Variants in ESR1 observed in about 807,000 individuals in gnomAD.
The protein encoded by ESR1 is estrogen receptor.
Under a neutral mutation model 52.7 loss-of-function variants are expected in ESR1, and 12 were observed. The observed-to-expected ratio is 0.23, with a 90% CI of 0.15 to 0.37. The LOEUF is 0.37. Among genes scored for constraint, ESR1 ranks in the 10% least tolerant of loss-of-function variants. The pLI, the probability that ESR1 is intolerant of heterozygous loss-of-function variation, is 1.00. For missense variants in ESR1, 584 were observed against 779.7 expected (o/e 0.75, Z 2.99); for synonymous variants, 305 against 316.8 (o/e 0.96, Z 0.39).
intron 2 of ESR1, among the ~76,000 whole-genome samples, chr6:151,870,672 T>G (rs980366757): frequency 1.3e-5 from 2 of 152,204 alleles, no homozygotes; most frequent in Non-Finnish European, 2.9e-5. Flanking sequence ...GATGATTAGA[T>G]GAGGCAAAAT....
intron 3 of ESR1, among the ~76,000 whole-genome samples, chr6:151,928,537 A>G (rs2033105962): frequency 6.6e-6 from 1 of 152,160 alleles, no homozygotes; most frequent in South Asian, 2.1e-4. Context: ...GTCAAAAAAA[A>G]TAATAAATCA....
At chr6:151,665,218 T>C (rs1294667031) in intron 1 of ESR1, among the ~76,000 whole-genome samples, 1 of 152,178 alleles carries the variant, frequency 6.6e-6, no homozygotes, top group Non-Finnish European at 1.5e-5. Flanking sequence ...CTAATTTTCC[T>C]GGCTCGAGAG....
intron 5 of ESR1, among the ~76,000 whole-genome samples, chr6:152,039,991 A>G (rs3020355): frequency 0.44 from 66,840 of 152,040 alleles, 16,651 homozygotes; most frequent in African/African-American, 0.67. Context: ...TAGTCTTGGC[A>G]GAAGCATTGC....
chr6:152,084,715 A>C (rs1049041304), intron 6 of ESR1, among the ~76,000 whole-genome samples: 5 of 152,126 alleles, frequency 3.3e-5, no homozygotes, highest in Admixed American at 1.3e-4. Flanking sequence ...AAAAAAAAAA[A>C]AAAACAGTTA....
intron 2 of ESR1, among the ~76,000 whole-genome samples, chr6:151,750,735 C>T (rs779864431): frequency 3.9e-5 from 6 of 151,902 alleles, no homozygotes; most frequent in Admixed American, 1.3e-4. Flanking sequence ...TTTGAAGATA[C>T]GGGACTTGAG....
In ESR1 at chr6:151,988,528, T is replaced by C. The variant is rs2040717487; in HGVS notation, c.1097-23128T>C. On this transcript the variant is annotated intron_variant, in intron 4 of 7. Coordinates refer to ENST00000206249, the MANE Select transcript of ESR1 (RefSeq NM_000125.4). ...GGACCCCTGCTTTAAAGAATATGTT[T>C]GTGGATTCATAGAGGGAAACAACAC... 1.3e-5 allele frequency among the ~76,000 whole-genome samples: 2 copies of C among 152,060 alleles called. 1 individual carries two copies. The highest frequency in any genetic ancestry group is 4.8e-5 in the African/African-American group (2 of 41,344).
Position 152,011,688 on chromosome 6 carries a change from C to T in ESR1, c.1129C>T (p.His377Tyr), listed in dbSNP as rs2128778423. 1 of 1,613,184 alleles carries T rather than the reference C, an allele frequency of 6.2e-7. No individual in the cohort carries two copies. Among genetic ancestry groups the T allele is most frequent in the African/African-American group, 1.3e-5 (1 of 74,910 alleles). ...FVDLTLHDQV[H>Y]LLECAWLEIL... ...GGATTTGACCCTCCATGATCAGGTC[C>T]ACCTTCTAGAATGTGCCTGGCTAGA... Residue 377 changes from histidine to tyrosine, a missense_variant, in exon 5 of 8, where the codon CAC (histidine) becomes TAC (tyrosine). Physicochemically the swap from His to Tyr is moderately conservative, Grantham distance 83 (BLOSUM62 2). Coordinates refer to ENST00000206249, the MANE Select transcript of ESR1 (RefSeq NM_000125.4).
At chr6:151,845,535 G>C (rs145172996) in intron 2 of ESR1, among the ~76,000 whole-genome samples, 6 of 152,082 alleles carry the variant, frequency 3.9e-5, no homozygotes, top group Admixed American at 3.9e-4. Context: ...TGCCACTGCC[G>C]TCCAGCCTGG....
At chr6:151,668,908 G>C (rs1031872750) in intron 1 of ESR1, among the ~76,000 whole-genome samples, 1 of 152,080 alleles carries the variant, frequency 6.6e-6, no homozygotes, top group Admixed American at 6.6e-5. Context: ...CAGGTAGAGA[G>C]AAGAGCAAGG....
chr6:151,701,478 G>A (rs939659716), intron 1 of ESR1, among the ~76,000 whole-genome samples: 5 of 144,752 alleles, frequency 3.5e-5, no homozygotes, highest in African/African-American at 7.9e-5. Context: ...GCAGTGAGCC[G>A]AGACCGCACC....
intron 4 of ESR1, among the ~76,000 whole-genome samples, chr6:151,976,855 A>G (rs1048716532): frequency 6.6e-6 from 1 of 152,088 alleles, no homozygotes; most frequent in Non-Finnish European, 1.5e-5. Flanking sequence ...CAGAATTGCT[A>G]TACATATATA....
intron 5 of ESR1, among the ~76,000 whole-genome samples, chr6:152,030,709 G>T (rs1475152898): frequency 1.3e-5 from 2 of 152,138 alleles, no homozygotes; most frequent in Non-Finnish European, 2.9e-5. Flanking sequence ...ACATCCCACT[G>T]TCAACATTAG....
In ESR1 at chr6:152,098,142, C is replaced by T. The variant is rs2050774931; in HGVS notation, c.1554-590C>T. On this transcript the variant is annotated intron_variant, in intron 7 of 7. Transcript: ENST00000206249. This position sits in a 1 kb window ranked among gnomAD's most constrained non-coding sequence, Gnocchi z 5.1. ...GGGCAGCACAAAAATCAGTGTGGCT[C>T]CGGAGAGCACATTAGGGGAGAGAGG... Among the ~76,000 whole-genome samples the T allele has an allele frequency of 6.6e-6, 1 of 151,998 alleles. No homozygotes were observed. The highest frequency in any genetic ancestry group is 1.5e-5 in the Non-Finnish European group (1 of 68,004).
intron 1 of ESR1, among the ~76,000 whole-genome samples, chr6:151,672,978 G>A (rs575284322): frequency 2.1e-4 from 32 of 151,286 alleles, no homozygotes; most frequent in African/African-American, 3.4e-4. Flanking sequence ...ACAGGCCCCC[G>A]CCACCACGCC....
intron 2 of ESR1, among the ~76,000 whole-genome samples, chr6:151,795,395 G>A (rs374217709): frequency 2.0e-5 from 3 of 150,328 alleles, no homozygotes; most frequent in East Asian, 2.0e-4. Flanking sequence ...ACTGAGGCAC[G>A]AGAATTGAAT....
At chr6:151,874,861 T>C (rs970131666) in intron 2 of ESR1, among the ~76,000 whole-genome samples, 2 of 152,224 alleles carry the variant, frequency 1.3e-5, no homozygotes, top group Non-Finnish European at 2.9e-5. Context: ...ACTGCTAATC[T>C]TGTAGAGTTT....
chr6:152,031,532 C>A (rs1383667914), intron 5 of ESR1, among the ~76,000 whole-genome samples: 1 of 152,014 alleles, frequency 6.6e-6, no homozygotes, highest in East Asian at 1.9e-4. Context: ...TAAACTAGAA[C>A]ATCTAGAAGA....
chr6:152,075,215 G>A (rs2048644376), intron 6 of ESR1, among the ~76,000 whole-genome samples: 1 of 152,160 alleles, frequency 6.6e-6, no homozygotes, highest in African/African-American at 2.4e-5. Flanking sequence ...AATCAGAGAA[G>A]TTTGACTTCA....
intron 5 of ESR1, among the ~76,000 whole-genome samples, chr6:152,046,858 G>T (rs3020365): frequency 0.45 from 67,550 of 151,786 alleles, 17,323 homozygotes; most frequent in African/African-American, 0.7. Context: ...AGGAAGGGAG[G>T]GTTTAGGCCA....
Sources: allele counts gnomAD v4.1 joint callset (sites outside exome capture counted in the v4.1 genomes callset), GRCh38; gene constraint gnomAD v4.1.1; non-coding constraint Gnocchi (gnomAD v3.1); transcripts MANE v1.5; gene names NCBI Gene and HGNC (gene_info 2026-07-23, HGNC 2026-07-21).